The following NTM variants were observed in gnomAD, a reference collection of about 807,000 sequenced individuals.
The protein encoded by NTM is neurotrimin.
NTM carries 13 observed loss-of-function variants against 42.1 expected under a neutral mutation model. The ratio of observed to expected loss-of-function variants is 0.31; its 90% confidence interval spans 0.20 to 0.49. The LOEUF is 0.49. Ranked by LOEUF, NTM falls within the 20% of genes least tolerant of loss-of-function variation. NTM has a pLI of 0.99. For missense variants in NTM, 373 were observed against 452.8 expected, an observed-to-expected ratio of 0.82 and a Z score of 1.60; for synonymous variants, 187 against 179.2, an observed-to-expected ratio of 1.04 and a Z score of -0.35.
In NTM at chr11:131,838,675, A is replaced by G. The variant is rs1322181168; in HGVS notation, c.83-72889A>G. 3.3e-5 allele frequency among the ~76,000 whole-genome samples: 5 copies of G among 152,102 alleles called. No homozygotes were observed. In the East Asian group the frequency reaches 7.7e-4, roughly 24 times the overall value. ...TGTGTGCGTACAATGTCATATGCGC[A>G]CTCAAACTGATCTGATAGAAGATAT... On this transcript the variant is annotated intron_variant, in intron 1 of 8. Transcript: ENST00000683400.
intron 1 of NTM, among the ~76,000 whole-genome samples, chr11:131,428,298 G>A (rs1394398807): frequency 6.6e-6 from 1 of 152,194 alleles, no homozygotes; most frequent in African/African-American, 2.4e-5. Context: ...TCTTAGCTGA[G>A]CACGTGAACA....
At chr11:131,759,751 C>A (rs779582912) in intron 1 of NTM, among the ~76,000 whole-genome samples, 7 of 151,124 alleles carry the variant, frequency 4.6e-5, no homozygotes, top group Middle Eastern at 6.8e-3. Context: ...TAAGAATATT[C>A]TTTATCCAGG....
chr11:131,791,824 AAG>A (rs1352966172), intron 1 of NTM, among the ~76,000 whole-genome samples: 1 of 152,178 alleles, frequency 6.6e-6, no homozygotes, highest in Non-Finnish European at 1.5e-5. Flanking sequence ...GGAGAGTTTG[AAG>A]TGAGGTTCTG....
intron 2 of NTM, among the ~76,000 whole-genome samples, chr11:131,959,963 T>C (rs1424703016): frequency 6.6e-6 from 1 of 152,222 alleles, no homozygotes; most frequent in African/African-American, 2.4e-5. Flanking sequence ...CAACAGCATG[T>C]ACTAGAGATT....
At position 131,425,805 on chromosome 11, in the gene NTM, AT is replaced by A. The variant is rs57932089; in HGVS notation, c.82+54927del. Reference sequence around the variant, plus strand: ...GTTTGGGGGTAGAAACTGTCCTTTAATTTTTTTTTTCTTTTTTGGTAGCTTA... The same window carrying A: ...GTTTGGGGGTAGAAACTGTCCTTTAATTTTTTTTTCTTTTTTGGTAGCTTA... On this transcript the variant is annotated intron_variant, in intron 1 of 8. Transcript: ENST00000683400. Among the ~76,000 whole-genome samples the A allele has an allele frequency of 2.7e-3, 405 of 150,334 alleles. 2 individuals are homozygous for A. Among genetic ancestry groups the A allele is most frequent in the African/African-American group, 9.1e-3 (374 of 40,946 alleles).
chr11:132,317,468 T>C (rs982049860), intron 7 of NTM, among the ~76,000 whole-genome samples: 2 of 152,198 alleles, frequency 1.3e-5, no homozygotes, highest in Non-Finnish European at 2.9e-5. Context: ...ACATAAAGCA[T>C]GTCAGCGTTT....
At chr11:131,948,037 G>T (rs1427664385) in intron 2 of NTM, among the ~76,000 whole-genome samples, 3 of 152,094 alleles carry the variant, frequency 2.0e-5, no homozygotes, top group Non-Finnish European at 4.4e-5. Flanking sequence ...GGCCATTGGT[G>T]CCCATGATGA....
At chr11:132,078,778 C>T (rs147084261) in intron 2 of NTM, among the ~76,000 whole-genome samples, 13 of 152,316 alleles carry the variant, frequency 8.5e-5, no homozygotes, top group African/African-American at 2.6e-4. Flanking sequence ...TTACACTTAA[C>T]TCATCAAAAT....
chr11:131,613,644 G>T (rs1470591908), intron 1 of NTM, among the ~76,000 whole-genome samples: 1 of 152,092 alleles, frequency 6.6e-6, no homozygotes, highest in Non-Finnish European at 1.5e-5. Context: ...TTGCTGAAGA[G>T]CCAGGCGCGA....
At chr11:132,097,857 C>T (rs1019593541) in intron 2 of NTM, among the ~76,000 whole-genome samples, 1 of 152,178 alleles carries the variant, frequency 6.6e-6, no homozygotes, top group African/African-American at 2.4e-5. Context: ...GAGTTCCTCC[C>T]ACTTGGGCAG....
intron 2 of NTM, among the ~76,000 whole-genome samples, chr11:132,082,582 G>T (rs2059220326): frequency 1.3e-5 from 2 of 152,226 alleles, no homozygotes; most frequent in Non-Finnish European, 2.9e-5. Context: ...GGGCAGGTCA[G>T]AGGTTCTCTG....
intron 2 of NTM, among the ~76,000 whole-genome samples, chr11:132,090,092 A>G (rs2060211193): frequency 6.6e-6 from 1 of 152,172 alleles, no homozygotes; most frequent in African/African-American, 2.4e-5. Flanking sequence ...TTCACAGACA[A>G]GAAAATGACT....
intron 1 of NTM, among the ~76,000 whole-genome samples, chr11:131,787,793 T>C (rs930578917): frequency 6.6e-6 from 1 of 152,366 alleles, no homozygotes; most frequent in East Asian, 1.9e-4. Context: ...TGAACCCTTC[T>C]GGTCCTCGTG....
chr11:131,877,378 A>G (rs917355695), intron 1 of NTM, among the ~76,000 whole-genome samples: 11 of 152,172 alleles, frequency 7.2e-5, no homozygotes, highest in African/African-American at 2.7e-4. Flanking sequence ...GGAGTAGGCT[A>G]TCTTCAAGAG....
intron 1 of NTM, among the ~76,000 whole-genome samples, chr11:131,787,354 G>GATGATTATTATTATTATTATT (rs1555125914): frequency 6.9e-6 from 1 of 144,436 alleles, no homozygotes; most frequent in African/African-American, 2.5e-5. Context: ...CATAATACAA[G>GATGATTATTATTATTATTATT]ATTATTATTA....
intron 1 of NTM, among the ~76,000 whole-genome samples, chr11:131,419,847 G>A (rs541725035): frequency 4.6e-5 from 7 of 152,120 alleles, no homozygotes; most frequent in Non-Finnish European, 8.8e-5. Context: ...AAATGCTGGC[G>A]GCTTAGACTG....
chr11:131,841,865 A>C (rs563779716), intron 1 of NTM, among the ~76,000 whole-genome samples: 1 of 152,318 alleles, frequency 6.6e-6, no homozygotes, highest in East Asian at 1.9e-4. Flanking sequence ...AGCGTGTCCC[A>C]CTCAGAAATC....
At chr11:131,418,639 A>G (rs1298309561) in intron 1 of NTM, among the ~76,000 whole-genome samples, 1 of 152,220 alleles carries the variant, frequency 6.6e-6, no homozygotes, top group African/African-American at 2.4e-5. Flanking sequence ...CTCACAGACT[A>G]GACATGATTA....
chr11:131,780,342 G>A (rs974405192), intron 1 of NTM, among the ~76,000 whole-genome samples: 1 of 152,112 alleles, frequency 6.6e-6, no homozygotes, highest in African/African-American at 2.4e-5. Flanking sequence ...TAGACGAGAC[G>A]ACCTCACTGA....
Sources: gnomAD v4.1 joint callset for allele counts (sites outside exome capture counted in the v4.1 genomes callset) on GRCh38, gnomAD v4.1.1 for gene constraint, MANE v1.5 for transcripts, NCBI Gene and HGNC (gene_info 2026-07-23, HGNC 2026-07-21) for gene names.